The following CCL23 variants were observed in gnomAD, a reference collection of about 807,000 sequenced individuals.
CCL23 encodes the protein C-C motif chemokine ligand 23, also known as C-C motif chemokine 23.
CCL23 carries 10 observed loss-of-function variants against 11.8 expected under a neutral mutation model. That is an observed-to-expected ratio of 0.84 (90% CI 0.52 to 1.43). CCL23 has a LOEUF of 1.43. CCL23 is among the 40% of genes most tolerant of loss of function. CCL23 has a pLI of 0.00. For missense variants in CCL23, 181 were observed against 170.9 expected, an observed-to-expected ratio of 1.06 and a Z score of -0.33; for synonymous variants, 60 against 61.0, an observed-to-expected ratio of 0.98 and a Z score of 0.07.
In CCL23 at chr17:36,013,158, T is replaced by C. The variant is rs2090069398; in HGVS notation, c.*39A>G. The C allele has an allele frequency of 8.1e-7, 1 of 1,234,626 alleles. No individual in the cohort carries two copies. Among genetic ancestry groups the C allele is most frequent in the Non-Finnish European group, 1.2e-6 (1 of 832,814 alleles). The allele number at this position is 1,234,626 out of a possible 1,614,324, so 76.5% of individuals were successfully genotyped here. ...CAGGAAGGTAGTTGAGGCAAGAAAG[T>C]TGGTGGCTGGCAACTTGTGTCCCTT... On this transcript the variant is annotated 3_prime_UTR_variant, in exon 4 of 4. Coordinates refer to ENST00000615050, the MANE Select transcript of CCL23 (RefSeq NM_005064.6).
intron 3 of CCL23, 144 bp downstream of exon 3, chr17:36,013,600 A>G (rs2090074219): frequency 1.3e-6 from 1 of 741,824 alleles, no homozygotes. Flanking sequence ...GATGCCCTGC[A>G]GGATCTTCCT....
At position 36,017,969 on chromosome 17, in the gene CCL23, T is replaced by A. The variant is rs2090110675; in HGVS notation, c.-72A>T. 3 of 1,533,882 alleles carry A rather than the reference T, an allele frequency of 2.0e-6. No individual in the cohort carries two copies. The highest frequency in any genetic ancestry group is 2.7e-6 in the Non-Finnish European group (3 of 1,121,122). On this transcript the variant is annotated 5_prime_UTR_variant, in exon 1 of 4. Coordinates refer to ENST00000615050, the MANE Select transcript of CCL23 (RefSeq NM_005064.6). ...GCTTCCTGGCTTCTCGGGATGCCAG[T>A]TCTGCCCTTGTATTTATAAGAAGAA...
intron 3 of CCL23, 192 bp downstream of exon 3, chr17:36,013,552 C>T (rs1005107): frequency 0.087 from 55,077 of 632,882 alleles, 2,856 homozygotes; most frequent in Middle Eastern, 0.12. Flanking sequence ...TTTCTTCTTC[C>T]TTCCCCACCC....
chr17:36,013,342 A>G (rs200182292), intron 3 of CCL23, 34 bp from the exon 4 acceptor site: 1 of 1,396,436 alleles, frequency 7.2e-7, no homozygotes, highest in South Asian at 1.2e-5. Flanking sequence ...TTACAAACTG[A>G]GGTGTGTCCA....
Position 36,014,182 on chromosome 17 carries a change from CCCATAGCCCGT to C in CCL23, c.136+141_136+151del. 6 of 473,770 alleles carry C rather than the reference CCCATAGCCCGT, an allele frequency of 1.3e-5. 2 individuals carry two copies. Among genetic ancestry groups the C allele is most frequent in the South Asian group, 5.4e-5 (2 of 36,774 alleles). The allele number at this position is 473,770 out of a possible 1,614,324, so 29.3% of individuals were successfully genotyped here. On this transcript the variant is annotated intron_variant, in intron 2 of 3. Transcript: ENST00000615050. ...AGAGAAGGCATCTATGGAGGGGGTT[CCCATAGCCCGT>C]CCTGATCTTCCTTGGAGATGTTCAC...
chr17:36,015,271 A>G (rs2090089676), intron 1 of CCL23, among the ~76,000 whole-genome samples: 1 of 152,144 alleles, frequency 6.6e-6, no homozygotes, highest in African/African-American at 2.4e-5. Flanking sequence ...ATGTTGTAGC[A>G]TGTGTCAGAA....
Position 36,013,281 on chromosome 17 carries a change from G to A in CCL23, c.330C>T (p.Phe110=). 6.2e-7 allele frequency: 1 copy of A among 1,613,702 alleles called. No individual in the cohort carries two copies. Among genetic ancestry groups the A allele is most frequent in the South Asian group, 1.1e-5 (1 of 91,048 alleles). ...CTTGCTTATCACTGGGGTTGGCACA[G>A]AAACGTCGCCCCTTCTTGGTGAGGA... ...VIFLTKKGRR[F]CANPSDKQVQ... Residue 110 remains phenylalanine, a synonymous_variant, in exon 4 of 4, where the codon TTC becomes TTT. Coordinates refer to ENST00000615050, the MANE Select transcript of CCL23 (RefSeq NM_005064.6).
intron 1 of CCL23, among the ~76,000 whole-genome samples, chr17:36,016,131 A>C (rs896782767): frequency 6.6e-6 from 1 of 151,320 alleles, no homozygotes; most frequent in African/African-American, 2.4e-5. Context: ...ATAACTATTA[A>C]ATAGACTTTT....
intron 3 of CCL23, 79 bp downstream of exon 3, chr17:36,013,665 A>G: frequency 7.2e-7 from 1 of 1,385,118 alleles, no homozygotes; most frequent in South Asian, 1.2e-5. Context: ...CCTGATGGAC[A>G]CCAGTCTATC....
At chr17:36,013,695 C>T (rs377578794) in intron 3 of CCL23, 49 bp downstream of exon 3, 1 of 1,595,592 alleles carries the variant, frequency 6.3e-7, no homozygotes, top group Non-Finnish European at 8.6e-7. Flanking sequence ...CTGCAAGATG[C>T]TACAGAGTCC....
At position 36,015,556 on chromosome 17, in the gene CCL23, T is replaced by A; in HGVS notation, c.77-1163A>T. ...TGCTGCATCATATCATATTAACTTT[T>A]TAAAACCTGAGAAATTCTGCATTCC... is the stretch of plus-strand genomic sequence containing the variant. On this transcript the variant is annotated intron_variant, in intron 1 of 3. Transcript: ENST00000615050. 1.3e-5 allele frequency among the ~76,000 whole-genome samples: 2 copies of A among 152,254 alleles called. 1 individual carries two copies. The highest frequency in any genetic ancestry group is 3.8e-4 in the East Asian group (2 of 5,200).
At chr17:36,014,010 G>A in intron 2 of CCL23, 101 bp from the exon 3 acceptor site, 1 of 1,242,058 alleles carries the variant, frequency 8.1e-7, no homozygotes, top group Admixed American at 2.0e-5. Context: ...TCAGAGTTGA[G>A]CTGTGTGTCT....
At position 36,014,364 on chromosome 17, in the gene CCL23, G is replaced by C; in HGVS notation, c.106C>G (p.Leu36Val). The stretch of plus-strand genomic sequence containing the variant: ...AGAAGTACTGGATTTTCCAATGGAA[G>C]CTTTGACATCATGAACTCTGTCTCT... ...DAETEFMMSK[L>V]PLENPVLLDM... The change falls in exon 2 of 4, where the codon CTT becomes GTT. Residue 36 changes from leucine (L) to valine (V), a missense_variant. Transcript: ENST00000615050. The C allele has an allele frequency of 6.2e-7, 1 of 1,613,562 alleles. No homozygotes were observed.
chr17:36,014,276 T>C (rs914283558), intron 2 of CCL23, 58 bp downstream of exon 2: 4 of 1,215,140 alleles, frequency 3.3e-6, no homozygotes, highest in Non-Finnish European at 4.9e-6. Flanking sequence ...ATGGATCCCA[T>C]AGTGCAGACC....
At chr17:36,017,764 C>T (rs957783068) in intron 1 of CCL23, 58 bp downstream of exon 1, 3 of 1,519,818 alleles carry the variant, frequency 2.0e-6, no homozygotes, top group East Asian at 2.3e-5. Context: ...TGTGTCTCTG[C>T]CACAGAGCTT....
In CCL23 at chr17:36,016,784, CTA is replaced by C. The variant is rs1021959076; in HGVS notation, c.76+1036_76+1037del. On this transcript the variant is annotated intron_variant, in intron 1 of 3. Coordinates refer to ENST00000615050, the MANE Select transcript of CCL23 (RefSeq NM_005064.6). ...ATATACTTTTAATATAATTTAATGA[CTA>C]TGCATTTAATATAATTTAACAATTA... 7.4e-5 allele frequency among the ~76,000 whole-genome samples: 11 copies of C among 149,140 alleles called. No individual in the cohort carries two copies. The East Asian group carries it at 1.6e-3, about 21-fold the overall frequency.
intron 1 of CCL23, among the ~76,000 whole-genome samples, chr17:36,016,734 T>A (rs1719207): frequency 0.1 from 15,600 of 149,152 alleles, 1,869 homozygotes; most frequent in African/African-American, 0.27. Flanking sequence ...AAATATCTTT[T>A]AATATAATTT....
chr17:36,013,675 C>A lies in CCL23; in HGVS notation c.302+69G>T, dbSNP rs768975427. On this transcript the variant is annotated intron_variant, in intron 3 of 3. Transcript: ENST00000615050. ...TGGGCCCTGATGGACACCAGTCTATCAGGTCCTCCCTGCAAGATGCTACAG... is the reference window on the plus strand; with the variant it reads ...TGGGCCCTGATGGACACCAGTCTATAAGGTCCTCCCTGCAAGATGCTACAG... 560 of 1,501,370 alleles carry A rather than the reference C, an allele frequency of 3.7e-4. 3 individuals are homozygous for A. Among genetic ancestry groups the A allele is most frequent in the Middle Eastern group, 3.3e-3 (15 of 4,570 alleles). 93.0% of individuals were successfully genotyped at this position (1,501,370 alleles called of 1,614,324 possible). A position where few individuals can be genotyped will look rare whatever the true frequency, so the allele number is the denominator to read the frequency against.
In CCL23 at chr17:36,013,187, C is replaced by T; in HGVS notation, c.*10G>A. ...TGGCTGGCAACTTGTGTCCCTTCAC[C>T]TTGACAAGTTCAATTCTTCCTGGTC... On this transcript the variant is annotated 3_prime_UTR_variant, in exon 4 of 4. Transcript: ENST00000615050. 6.4e-7 allele frequency: 1 copy of T among 1,567,976 alleles called. No individual in the cohort carries two copies. Among genetic ancestry groups the T allele is most frequent in the South Asian group, 1.1e-5 (1 of 90,090 alleles).
Sources: gnomAD v4.1 joint callset for allele counts (sites outside exome capture counted in the v4.1 genomes callset) on GRCh38, gnomAD v4.1.1 for gene constraint, MANE v1.5 for transcripts, NCBI Gene and HGNC (gene_info 2026-07-23, HGNC 2026-07-21) for gene names.